GALNT13: variants seen among roughly 807,000 people sequenced by gnomAD.
GALNT13 encodes the protein UDP-GalNAc:polypeptide N-acetylgalactosaminyltransferase 13.
Under a neutral mutation model 64.2 loss-of-function variants are expected in GALNT13, and 28 were observed. The ratio of observed to expected loss-of-function variants is 0.44; its 90% CI spans 0.32 to 0.60. GALNT13 has a LOEUF of 0.60. GALNT13 is among the 20% of genes least tolerant of loss of function. The pLI is 0.05. For missense variants in GALNT13, 577 were observed against 669.8 expected (o/e 0.86, Z 1.53); for synonymous variants, 214 against 224.6 (o/e 0.95, Z 0.42).
the GALNT13 span, among the ~76,000 whole-genome samples, chr2:153,849,951 T>C: frequency 7.0e-6 from 1 of 142,488 alleles, no homozygotes; most frequent in African/African-American, 2.7e-5. Flanking sequence ...CACGAGGTCA[T>C]GAGATCGAGA....
the GALNT13 span, among the ~76,000 whole-genome samples, chr2:153,764,315 T>C: frequency 6.6e-6 from 1 of 152,142 alleles, no homozygotes; most frequent in Admixed American, 6.5e-5. Flanking sequence ...GGAGGGCAGA[T>C]CTCCTGAGAT....
the GALNT13 span, among the ~76,000 whole-genome samples, chr2:153,766,176 A>G: frequency 6.6e-6 from 1 of 151,532 alleles, no homozygotes; most frequent in Non-Finnish European, 1.5e-5. Flanking sequence ...GTTTGAATAT[A>G]TTACTTCAGT....
At chr2:153,781,248 A>AT in the GALNT13 span, among the ~76,000 whole-genome samples, 2 of 152,186 alleles carry the variant, frequency 1.3e-5, no homozygotes, top group African/African-American at 4.8e-5. Context: ...AGCATATTGG[A>AT]TTGAGAACAA....
At chr2:153,658,891 A>G in the GALNT13 span, among the ~76,000 whole-genome samples, 9 of 152,082 alleles carry the variant, frequency 5.9e-5, no homozygotes, top group African/African-American at 2.2e-4. Context: ...AGAAAAACAC[A>G]TCTGTTGACC....
At chr2:153,605,910 G>A in the GALNT13 span, among the ~76,000 whole-genome samples, 2 of 152,096 alleles carry the variant, frequency 1.3e-5, no homozygotes, top group South Asian at 4.1e-4. Context: ...AGTGTCTGCT[G>A]TGGACATCAG....
chr2:153,163,790 C>T, the GALNT13 span, among the ~76,000 whole-genome samples: 5 of 152,102 alleles, frequency 3.3e-5, no homozygotes, highest in Non-Finnish European at 5.9e-5. Flanking sequence ...GAGGCCAAGG[C>T]GGGCGGATCA....
chr2:153,960,368 GC>G (rs1692861291), intron 3 of GALNT13, among the ~76,000 whole-genome samples: 1 of 152,190 alleles, frequency 6.6e-6, no homozygotes, highest in South Asian at 2.1e-4. Flanking sequence ...TCTTGGCTTT[GC>G]CCAGGAAACA....
At chr2:153,931,066 AGTGTGT>A (rs59409947) in intron 2 of GALNT13, among the ~76,000 whole-genome samples, 168 of 138,264 alleles carry the variant, frequency 1.2e-3, no homozygotes, top group Middle Eastern at 3.5e-3. Flanking sequence ...TGTATTCCTA[AGTGTGT>A]GTGTGTGTGT....
At chr2:154,281,743 TC>T (rs1220884678) in intron 8 of GALNT13, among the ~76,000 whole-genome samples, 2 of 152,084 alleles carry the variant, frequency 1.3e-5, no homozygotes, top group Non-Finnish European at 2.9e-5. Context: ...ACACATCCTC[TC>T]CTTCAACTCT....
intron 9 of GALNT13, among the ~76,000 whole-genome samples, chr2:154,321,307 A>G (rs1694611703): frequency 6.6e-6 from 1 of 152,142 alleles, no homozygotes; most frequent in Non-Finnish European, 1.5e-5. Flanking sequence ...CATGTGACTC[A>G]TGGTCTTTCT....
At chr2:153,505,031 T>C in the GALNT13 span, among the ~76,000 whole-genome samples, 1 of 152,076 alleles carries the variant, frequency 6.6e-6, no homozygotes, top group South Asian at 2.1e-4. Flanking sequence ...TTATTGGCAA[T>C]TTTTTAGTTC....
At chr2:153,754,846 G>A in the GALNT13 span, among the ~76,000 whole-genome samples, 1 of 152,140 alleles carries the variant, frequency 6.6e-6, no homozygotes, top group Non-Finnish European at 1.5e-5. Context: ...AGGCTTTCAG[G>A]AAGTCAAATT....
At chr2:154,170,112 G>T (rs755052071) in intron 4 of GALNT13, among the ~76,000 whole-genome samples, 1 of 152,120 alleles carries the variant, frequency 6.6e-6, no homozygotes, top group African/African-American at 2.4e-5. Flanking sequence ...ACTTTTAATT[G>T]TTAGGGCTAC....
intron 3 of GALNT13, among the ~76,000 whole-genome samples, chr2:154,099,871 T>C: frequency 6.6e-6 from 1 of 152,078 alleles, no homozygotes; most frequent in Non-Finnish European, 1.5e-5. Flanking sequence ...GCCTGGTAGG[T>C]TGAGGCTGCA....
chr2:153,533,996 C>A, the GALNT13 span, among the ~76,000 whole-genome samples: 1 of 151,192 alleles, frequency 6.6e-6, no homozygotes, highest in South Asian at 2.1e-4. Flanking sequence ...CCTCTTGCCT[C>A]CCTGAGAGCT....
chr2:154,332,257 A>G (rs1695206390), intron 9 of GALNT13, among the ~76,000 whole-genome samples: 1 of 152,038 alleles, frequency 6.6e-6, no homozygotes, highest in African/African-American at 2.4e-5. Flanking sequence ...TGTGTTTTCT[A>G]CCTCTGCTGA....
At chr2:154,304,614 A>G (rs1422700075) in intron 9 of GALNT13, among the ~76,000 whole-genome samples, 1 of 152,246 alleles carries the variant, frequency 6.6e-6, no homozygotes, top group Non-Finnish European at 1.5e-5. Context: ...TAAATGATGG[A>G]ACCATTTCTC....
rs772764358 is a variant in GALNT13 at position 154,140,541 on chromosome 2, A to G, written c.311+36A>G. 3 of 1,381,306 alleles carry G rather than the reference A, an allele frequency of 2.2e-6. No individual in the cohort carries two copies. The Admixed American group carries it at 5.6e-5, about 26-fold the overall frequency. The allele number at this position is 1,381,306 out of a possible 1,614,324, so 85.6% of individuals were successfully genotyped here. A position where few individuals can be genotyped will look rare whatever the true frequency, so the allele number is the denominator to read the frequency against. On this transcript the variant is annotated intron_variant, in intron 4 of 12. Transcript: ENST00000392825. ...ATTTGTTATATAATCTTTTATATTCATAATCACCATATTTCAGAATCTCAG... is the reference window on the plus strand; with the variant it reads ...ATTTGTTATATAATCTTTTATATTCGTAATCACCATATTTCAGAATCTCAG...
At chr2:154,057,940 C>T (rs1312085713) in intron 3 of GALNT13, among the ~76,000 whole-genome samples, 2 of 152,176 alleles carry the variant, frequency 1.3e-5, no homozygotes, top group African/African-American at 4.8e-5. Flanking sequence ...GTTTATTCAA[C>T]TAATATTTAT....
Sources: allele counts gnomAD v4.1 joint callset (sites outside exome capture counted in the v4.1 genomes callset), GRCh38; gene constraint gnomAD v4.1.1; transcripts MANE v1.5; gene names NCBI Gene and HGNC (gene_info 2026-07-23, HGNC 2026-07-21).